The following SNTB2 variants were observed in gnomAD, a reference collection of about 807,000 sequenced individuals.
SNTB2 encodes the protein syntrophin beta 2, also known as beta-2-syntrophin.
Under a neutral mutation model 46.2 loss-of-function variants are expected in SNTB2, and 34 were observed. That is an observed-to-expected ratio of 0.74 (90% CI 0.56 to 0.98). The LOEUF is 0.98. Ranked by LOEUF, SNTB2 falls within the 50% of genes least tolerant of loss-of-function variation. SNTB2 has a pLI of 0.00. For synonymous variants in SNTB2, 290 were observed against 312.6 expected (o/e 0.93, Z 0.76); for missense variants, 603 against 731.4 (o/e 0.82, Z 2.02).
chr16:69,216,329 A>T (rs1964347122), intron 1 of SNTB2, among the ~76,000 whole-genome samples: 1 of 152,160 alleles, frequency 6.6e-6, no homozygotes, highest in South Asian at 2.1e-4. Flanking sequence ...TTCACAAGTT[A>T]ATTCACTTAA....
intron 2 of SNTB2, among the ~76,000 whole-genome samples, chr16:69,259,381 C>T (rs112993816): frequency 0.05 from 7,531 of 150,762 alleles, 258 homozygotes; most frequent in Non-Finnish European, 0.071. Context: ...TACAGGCACA[C>T]GCCCCAACGC....
intron 5 of SNTB2, among the ~76,000 whole-genome samples, chr16:69,285,150 T>C (rs979884467): frequency 1.1e-4 from 16 of 152,220 alleles, no homozygotes; most frequent in Non-Finnish European, 1.6e-4. Flanking sequence ...AGGTGATGCA[T>C]GACTGTACCA....
At chr16:69,264,369 A>G (rs1016904872) in intron 3 of SNTB2, among the ~76,000 whole-genome samples, 12 of 152,216 alleles carry the variant, frequency 7.9e-5, no homozygotes, top group African/African-American at 2.7e-4. Flanking sequence ...TCCCTGACAA[A>G]TAATGACATA....
intron 2 of SNTB2, among the ~76,000 whole-genome samples, chr16:69,250,668 G>A (rs9921703): frequency 1.3e-5 from 2 of 151,906 alleles, no homozygotes; most frequent in African/African-American, 2.4e-5. Context: ...AGACTGAGAC[G>A]GGCAGATCAC....
intron 1 of SNTB2, among the ~76,000 whole-genome samples, chr16:69,236,191 A>C (rs1198143881): frequency 6.6e-6 from 1 of 152,198 alleles, no homozygotes; most frequent in Admixed American, 6.6e-5. Context: ...AGGGGACAGA[A>C]GAGAAGAGAT....
chr16:69,261,988 C>T lies in SNTB2; in HGVS notation c.1005+1728C>T, dbSNP rs527772279. 3.4e-4 allele frequency among the ~76,000 whole-genome samples: 52 copies of T among 152,104 alleles called. 1 individual carries two copies. In the South Asian group the frequency reaches 0.01, roughly 30 times the overall value. ...CTTTGGGAGGCTGAGGTGGGAGAATCGCTCAAGACCAGGAGCTTGAGACCA... is the reference window on the plus strand; with the variant it reads ...CTTTGGGAGGCTGAGGTGGGAGAATTGCTCAAGACCAGGAGCTTGAGACCA... On this transcript the variant is annotated intron_variant, in intron 3 of 6. Coordinates refer to ENST00000336278, the MANE Select transcript of SNTB2 (RefSeq NM_006750.4).
At chr16:69,243,925 T>A (rs1376010756) in intron 1 of SNTB2, among the ~76,000 whole-genome samples, 2 of 152,218 alleles carry the variant, frequency 1.3e-5, no homozygotes, top group Admixed American at 6.5e-5. Flanking sequence ...TAAATCTTTT[T>A]TAATAACGTA....
At chr16:69,291,501 C>A (rs1294624732) in intron 5 of SNTB2, among the ~76,000 whole-genome samples, 1 of 152,012 alleles carries the variant, frequency 6.6e-6, no homozygotes, top group Non-Finnish European at 1.5e-5. Context: ...TACTTGACAC[C>A]AGAGTTCGAG....
intron 1 of SNTB2, among the ~76,000 whole-genome samples, chr16:69,202,643 T>C (rs943215581): frequency 6.6e-6 from 1 of 152,136 alleles, no homozygotes; most frequent in Admixed American, 6.5e-5. Flanking sequence ...TGGCATGATC[T>C]TGGTTCACTG....
chr16:69,267,808 T>C (rs967800847), intron 3 of SNTB2, among the ~76,000 whole-genome samples: 9 of 152,204 alleles, frequency 5.9e-5, no homozygotes, highest in African/African-American at 2.2e-4. Context: ...CTCTGTCATG[T>C]CCAGATTACC....
chr16:69,292,507 T>C (rs1965183521), intron 5 of SNTB2, among the ~76,000 whole-genome samples: 1 of 140,598 alleles, frequency 7.1e-6, no homozygotes, highest in African/African-American at 2.7e-5. Flanking sequence ...AATGGCACGA[T>C]CTTGGCTCAC....
chr16:69,270,433 C>CAACCT (rs1159940547), intron 4 of SNTB2, 148 bp downstream of exon 4: 9 of 861,554 alleles, frequency 1.0e-5, no homozygotes, highest in African/African-American at 1.7e-5. Flanking sequence ...TTTTGTTTTA[C>CAACCT]AACCTTATTG....
At chr16:69,218,855 C>T (rs1306889266) in intron 1 of SNTB2, among the ~76,000 whole-genome samples, 1 of 152,178 alleles carries the variant, frequency 6.6e-6, no homozygotes, top group African/African-American at 2.4e-5. Flanking sequence ...ATGATTGCAA[C>T]TCCAGACATC....
At chr16:69,282,015 C>T (rs113338984) in intron 4 of SNTB2, among the ~76,000 whole-genome samples, 7,273 of 148,602 alleles carry the variant, frequency 0.049, 252 homozygotes, top group Non-Finnish European at 0.07. Context: ...AAGCGATTCT[C>T]CTGCCTCAGC....
At position 69,307,460 on chromosome 16, in the gene SNTB2, C is replaced by T. The variant is rs1418431962; in HGVS notation, c.*6536C>T. The stretch of plus-strand genomic sequence containing the variant: ...TCCTTTGTAAGATAAATCACAACAA[C>T]AAAAATTAAGTTTTATTGCACAAAG... On this transcript the variant is annotated 3_prime_UTR_variant, in exon 7 of 7. Coordinates refer to ENST00000336278, the MANE Select transcript of SNTB2 (RefSeq NM_006750.4). 6.6e-6 allele frequency: 1 copy of T among 152,030 alleles called. No homozygotes were observed. The highest frequency in any genetic ancestry group is 2.4e-5 in the African/African-American group (1 of 41,390). The allele number at this position is 152,030 out of a possible 1,614,324, so 9.4% of individuals were successfully genotyped here.
chr16:69,190,054 A>C (rs1340473826), intron 1 of SNTB2, among the ~76,000 whole-genome samples: 2 of 152,238 alleles, frequency 1.3e-5, no homozygotes, highest in African/African-American at 4.8e-5. Context: ...GTAAAAATAA[A>C]ATTACTCAAA....
At chr16:69,203,360 G>T (rs1350113650) in intron 1 of SNTB2, among the ~76,000 whole-genome samples, 1 of 151,476 alleles carries the variant, frequency 6.6e-6, no homozygotes, top group East Asian at 1.9e-4. Flanking sequence ...TAAGAGACAG[G>T]GTCTCACTCT....
intron 2 of SNTB2, among the ~76,000 whole-genome samples, chr16:69,254,391 TAA>T (rs1464484933): frequency 6.6e-6 from 1 of 152,196 alleles, no homozygotes; most frequent in Non-Finnish European, 1.5e-5. Flanking sequence ...TTAAATCAGC[TAA>T]GTCATTTAAC....
intron 3 of SNTB2, among the ~76,000 whole-genome samples, chr16:69,268,216 CACT>C (rs1964905124): frequency 6.6e-6 from 1 of 152,152 alleles, no homozygotes. Flanking sequence ...GTAATCCCAG[CACT>C]TTGGGAGGCT....
Sources: allele counts gnomAD v4.1 joint callset (sites outside exome capture counted in the v4.1 genomes callset), GRCh38; gene constraint gnomAD v4.1.1; transcripts MANE v1.5; gene names NCBI Gene and HGNC (gene_info 2026-07-23, HGNC 2026-07-21).